Variants in MSL3B observed in about 807,000 individuals in gnomAD.
MSL3B encodes MSL complex subunit 3 pseudogene 1.
chr2:233,864,788 C>G, the MSL3B span, among the ~76,000 whole-genome samples: 1 of 152,178 alleles, frequency 6.6e-6, no homozygotes, highest in Non-Finnish European at 1.5e-5. Flanking sequence ...CTTCAAACTC[C>G]AGTGCTCTAA....
the MSL3B span, chr2:233,866,152 C>T: frequency 3.3e-6 from 2 of 614,866 alleles, no homozygotes; most frequent in South Asian, 2.7e-5. Flanking sequence ...CCTGGGGGTT[C>T]CTGGTGCTGT....
At chr2:233,866,752 C>T in the MSL3B span, 1 of 803,144 alleles carries the variant, frequency 1.2e-6, no homozygotes, top group African/African-American at 1.7e-5. Context: ...ATGGATTCAA[C>T]AAACGTAAGC....
chr2:233,868,337 A>G, the MSL3B span: 1 of 183,966 alleles, frequency 5.4e-6, no homozygotes. Flanking sequence ...CGTAGTTAAA[A>G]GGCCTCCTCC....
At chr2:233,867,308 A>C in the MSL3B span, 1 of 705,334 alleles carries the variant, frequency 1.4e-6, no homozygotes, top group Non-Finnish European at 2.6e-6. Context: ...GGAACTGCTT[A>C]ATGAGTTTTC....
At chr2:233,867,666 C>T in the MSL3B span, among the ~76,000 whole-genome samples, 2,042 of 151,622 alleles carry the variant, frequency 0.013, 48 homozygotes, top group African/African-American at 0.046. Context: ...TTAGCAGAGA[C>T]GGGGTTTCAC....
the MSL3B span, chr2:233,865,780 C>A: frequency 6.0e-6 from 1 of 167,884 alleles, no homozygotes; most frequent in Admixed American, 5.7e-5. Context: ...TAACAAATAA[C>A]GAAACAATGT....
the MSL3B span, among the ~76,000 whole-genome samples, chr2:233,864,770 T>A: frequency 6.6e-6 from 1 of 152,220 alleles, no homozygotes; most frequent in Admixed American, 6.5e-5. Flanking sequence ...TATTTTTACA[T>A]ATTAAGTCTT....
chr2:233,868,059 G>T, the MSL3B span: 1 of 248,940 alleles, frequency 4.0e-6, no homozygotes, highest in Non-Finnish European at 8.8e-6. Flanking sequence ...AAAATGCTGG[G>T]AAACAGGCGT....
At chr2:233,867,484 T>A in the MSL3B span, 1 of 325,754 alleles carries the variant, frequency 3.1e-6, no homozygotes, top group South Asian at 3.1e-5. Flanking sequence ...TCTTTCTTTC[T>A]TTTTTTTGTG....
At chr2:233,867,622 C>T in the MSL3B span, among the ~76,000 whole-genome samples, 1 of 151,208 alleles carries the variant, frequency 6.6e-6, no homozygotes, top group Non-Finnish European at 1.5e-5. Flanking sequence ...ATTATAGGCG[C>T]CCACCACCAT....
chr2:233,866,891 G>C, the MSL3B span: 4 of 1,472,760 alleles, frequency 2.7e-6, no homozygotes, highest in African/African-American at 5.6e-5. Flanking sequence ...CAACGGGAGA[G>C]TGTAATCAAA....
the MSL3B span, chr2:233,866,757 G>C: frequency 2.5e-6 from 2 of 805,836 alleles, no homozygotes; most frequent in African/African-American, 3.4e-5. Context: ...TTCAACAAAC[G>C]TAAGCTGGGA....
chr2:233,865,436 A>AT, the MSL3B span: 9,592 of 151,500 alleles, frequency 0.063, 379 homozygotes, highest in Middle Eastern at 0.12. Context: ...CTCCAAGTTA[A>AT]TTTTTTTTTC....
chr2:233,866,264 T>G, the MSL3B span: 13 of 728,562 alleles, frequency 1.8e-5, no homozygotes, highest in Non-Finnish European at 2.6e-5. Flanking sequence ...CAATAAAGCC[T>G]TCAGATTCTT....
chr2:233,866,439 T>C, the MSL3B span: 1 of 1,251,530 alleles, frequency 8.0e-7, no homozygotes, highest in East Asian at 2.3e-5. Context: ...TTAGTTCTTC[T>C]CCCTTCAAAG....
At chr2:233,865,450 CAA>C in the MSL3B span, 3 of 151,562 alleles carry the variant, frequency 2.0e-5, no homozygotes, top group Non-Finnish European at 2.9e-5. Context: ...TTTTTTCAAA[CAA>C]GAGAGGCTTT....
the MSL3B span, among the ~76,000 whole-genome samples, chr2:233,867,769 C>T: frequency 2.7e-5 from 4 of 149,434 alleles, no homozygotes; most frequent in Admixed American, 2.0e-4. Context: ...TGAGCCACCG[C>T]GCCCAGACCC....
chr2:233,866,533 G>T, the MSL3B span: 1 of 1,117,032 alleles, frequency 9.0e-7, no homozygotes, highest in Non-Finnish European at 1.4e-6. Context: ...TCTTTTCCAG[G>T]TGCAGGAACA....
chr2:233,866,709 T>C, the MSL3B span: 1 of 791,754 alleles, frequency 1.3e-6, no homozygotes, highest in African/African-American at 1.7e-5. Context: ...GGTTCACCGC[T>C]GGTCGACTGA....
Sources: gnomAD v4.1 joint callset for allele counts (sites outside exome capture counted in the v4.1 genomes callset) on GRCh38, gnomAD v4.1.1 for gene constraint, MANE v1.5 for transcripts, NCBI Gene and HGNC (gene_info 2026-07-23, HGNC 2026-07-21) for gene names.